The following ZRANB3 variants were observed in gnomAD, a reference collection of about 807,000 sequenced individuals.
ZRANB3 encodes the protein DNA annealing helicase and endonuclease ZRANB3.
ZRANB3 carries 125 observed loss-of-function variants against 133.8 expected under a neutral mutation model. The observed-to-expected ratio is 0.93, with a 90% CI of 0.81 to 1.08. ZRANB3 has a LOEUF of 1.08. ZRANB3 is among the 50% of genes least tolerant of loss of function. ZRANB3 has a pLI of 0.00. For missense variants in ZRANB3, 1,229 were observed against 1,275.5 expected, an observed-to-expected ratio of 0.96 and a Z score of 0.56; for synonymous variants, 387 against 432.7, an observed-to-expected ratio of 0.89 and a Z score of 1.31.
At chr2:135,367,969 CTAG>C (rs944101726) in intron 3 of ZRANB3, among the ~76,000 whole-genome samples, 2 of 151,920 alleles carry the variant, frequency 1.3e-5, no homozygotes, top group African/African-American at 4.8e-5. Flanking sequence ...CTTTTGTCTT[CTAG>C]TAGAATTAGT....
At chr2:135,510,611 G>A (rs1476906275) in intron 1 of ZRANB3, 3 of 757,166 alleles carry the variant, frequency 4.0e-6, no homozygotes, top group Non-Finnish European at 7.1e-6. Context: ...CCTCCATGAG[G>A]AGGGCCTCTC....
intron 20 of ZRANB3, chr2:135,202,573 T>A (rs533616708): frequency 3.2e-6 from 1 of 308,278 alleles, no homozygotes; most frequent in African/African-American, 2.1e-5. Flanking sequence ...CAAGACAATA[T>A]GTAAACTGTA....
chr2:135,304,606 T>C (rs538540760), intron 8 of ZRANB3, among the ~76,000 whole-genome samples: 3 of 152,160 alleles, frequency 2.0e-5, no homozygotes, highest in Non-Finnish European at 2.9e-5. Context: ...AAGAAATTTT[T>C]AGAATTGGTT....
chr2:135,201,101 C>T (rs933189799), intron 20 of ZRANB3, among the ~76,000 whole-genome samples: 1 of 152,106 alleles, frequency 6.6e-6, no homozygotes, highest in African/African-American at 2.4e-5. Flanking sequence ...AGGCCATTTC[C>T]AACTCAACAG....
chr2:135,510,746 T>C (rs1374652551), intron 1 of ZRANB3: 7 of 802,292 alleles, frequency 8.7e-6, no homozygotes, highest in African/African-American at 3.4e-5. Context: ...CCTCTGAACA[T>C]GATGGGCCTG....
rs540678780 is a variant in ZRANB3 at position 135,298,474 on chromosome 2, A to T, written c.966+15015T>A. Among the ~76,000 whole-genome samples, 5 of 152,194 alleles carry T rather than the reference A, an allele frequency of 3.3e-5. No individual in the cohort carries two copies. The South Asian group carries it at 1.0e-3, about 32-fold the overall frequency. On this transcript the variant is annotated intron_variant, in intron 8 of 20. Transcript: ENST00000264159. ...ATGTCAGAGGAAAGATCTGGGGCTC[A>T]AGGGTTGCTGTTCAGATTCTTCTGT...
intron 3 of ZRANB3, among the ~76,000 whole-genome samples, chr2:135,386,989 A>T (rs978009014): frequency 4.6e-4 from 65 of 142,618 alleles, no homozygotes; most frequent in Admixed American, 1.9e-3. Flanking sequence ...TTAAAGAATT[A>T]AAAAAAAAAA....
At chr2:135,505,429 C>G (rs1220411527) in intron 1 of ZRANB3, among the ~76,000 whole-genome samples, 7 of 151,988 alleles carry the variant, frequency 4.6e-5, no homozygotes, top group African/African-American at 1.7e-4. Context: ...CAAAAATTAG[C>G]TGGGCGTGGT....
intron 2 of ZRANB3, among the ~76,000 whole-genome samples, chr2:135,399,537 A>G (rs930047186): frequency 3.3e-5 from 5 of 152,214 alleles, no homozygotes; most frequent in African/African-American, 1.2e-4. Context: ...TTGTCTTTTC[A>G]TAGGCATGCC....
chr2:135,397,212 G>A (rs1009954876), intron 2 of ZRANB3, among the ~76,000 whole-genome samples: 4 of 152,094 alleles, frequency 2.6e-5, no homozygotes, highest in African/African-American at 7.2e-5. Context: ...GTAAGCTGAG[G>A]TGGGAGGATC....
chr2:135,338,423 T>C (rs1456714009), intron 6 of ZRANB3, among the ~76,000 whole-genome samples: 2 of 152,198 alleles, frequency 1.3e-5, no homozygotes, highest in Non-Finnish European at 1.5e-5. Context: ...AATCACACTA[T>C]GCTGAACAGT....
chr2:135,381,636 C>T (rs1686704699), intron 3 of ZRANB3, among the ~76,000 whole-genome samples: 1 of 152,280 alleles, frequency 6.6e-6, no homozygotes, highest in South Asian at 2.1e-4. Context: ...GGGTATCCCT[C>T]AGAGATGAAA....
chr2:135,292,045 G>A lies in ZRANB3; in HGVS notation c.967-16290C>T, dbSNP rs985432081. On this transcript the variant is annotated intron_variant, in intron 8 of 20. Coordinates refer to ENST00000264159, the MANE Select transcript of ZRANB3 (RefSeq NM_032143.4). ...AGTCTTTGCTATTGTGAATAGTGCC[G>A]AAATAAATGTACGTGTGCATGTGTC... 1.4e-4 allele frequency among the ~76,000 whole-genome samples: 21 copies of A among 152,202 alleles called. 1 individual carries two copies. The highest frequency in any genetic ancestry group is 3.9e-4 in the African/African-American group (16 of 41,534).
At chr2:135,362,197 CAAA>C (rs1274331901) in intron 3 of ZRANB3, among the ~76,000 whole-genome samples, 12 of 73,066 alleles carry the variant, frequency 1.6e-4, no homozygotes, top group Admixed American at 1.6e-4. Context: ...GACTCCGTCT[CAAA>C]AAAAAAAAAA....
chr2:135,212,685 A>C (rs748652654), intron 17 of ZRANB3, among the ~76,000 whole-genome samples: 7 of 152,184 alleles, frequency 4.6e-5, no homozygotes, highest in African/African-American at 1.7e-4. Context: ...GTAAATCCCA[A>C]TTTTAGTAAA....
At chr2:135,414,018 A>T (rs182349033) in intron 2 of ZRANB3, among the ~76,000 whole-genome samples, 136 of 152,302 alleles carry the variant, frequency 8.9e-4, no homozygotes, top group African/African-American at 3.2e-3. Context: ...TGTAAAGACC[A>T]TCGAGACTAG....
intron 3 of ZRANB3, among the ~76,000 whole-genome samples, chr2:135,356,310 T>C (rs1342231510): frequency 6.6e-6 from 1 of 152,160 alleles, no homozygotes; most frequent in Non-Finnish European, 1.5e-5. Context: ...CAAAAAAGCA[T>C]GTGAAGTAAC....
At chr2:135,312,873 T>C (rs1363272540) in intron 8 of ZRANB3, among the ~76,000 whole-genome samples, 2 of 151,320 alleles carry the variant, frequency 1.3e-5, no homozygotes, top group Admixed American at 1.3e-4. Context: ...AAAAAAAATT[T>C]GCCAGGCATG....
At chr2:135,499,094 G>T (rs186115802) in intron 2 of ZRANB3, among the ~76,000 whole-genome samples, 1 of 152,196 alleles carries the variant, frequency 6.6e-6, no homozygotes, top group East Asian at 1.9e-4. Flanking sequence ...AAAACTTGCT[G>T]GTTTTGCAGC....
Sources: gnomAD v4.1 joint callset for allele counts (sites outside exome capture counted in the v4.1 genomes callset) on GRCh38, gnomAD v4.1.1 for gene constraint, MANE v1.5 for transcripts, NCBI Gene and HGNC (gene_info 2026-07-23, HGNC 2026-07-21) for gene names.